AP4E1: variants seen among roughly 807,000 people sequenced by gnomAD.
AP4E1 encodes AP-4 complex subunit epsilon-1.
In AP4E1, 56 loss-of-function variants were observed where a neutral mutation model predicts 128.2. That is an observed-to-expected ratio of 0.44 (90% CI 0.35 to 0.55). The LOEUF (loss-of-function observed/expected upper bound fraction) is 0.55. Among genes scored for constraint, AP4E1 ranks in the 20% least tolerant of loss-of-function variants. The pLI is 0.00. For missense variants in AP4E1, 1,324 were observed against 1,307.7 expected (o/e 1.01, Z -0.19); for synonymous variants, 484 against 473.1 (o/e 1.02, Z -0.30).
At chr15:50,984,380 T>A (rs564035266) in intron 16 of AP4E1, among the ~76,000 whole-genome samples, 1 of 152,148 alleles carries the variant, frequency 6.6e-6, no homozygotes, top group African/African-American at 2.4e-5. Flanking sequence ...TATGTATACA[T>A]GTGTGCCATG....
chr15:50,911,855 A>C (rs2063570687), intron 1 of AP4E1, among the ~76,000 whole-genome samples: 1 of 152,216 alleles, frequency 6.6e-6, no homozygotes, highest in Non-Finnish European at 1.5e-5. Flanking sequence ...GAAAAGAGGA[A>C]GGATGGGTTA....
chr15:50,938,476 C>A (rs949358836), intron 8 of AP4E1, among the ~76,000 whole-genome samples: 6 of 152,122 alleles, frequency 3.9e-5, no homozygotes, highest in Non-Finnish European at 2.9e-5. Context: ...CCTAACCCCC[C>A]ACTAGAGTGG....
intron 3 of AP4E1, among the ~76,000 whole-genome samples, chr15:50,918,936 T>A (rs7170311): frequency 0.39 from 59,800 of 151,918 alleles, 11,937 homozygotes; most frequent in Admixed American, 0.52. Flanking sequence ...TCATAAATTA[T>A]GTTGTAATTT....
chr15:50,956,712 C>G (rs563206293), intron 13 of AP4E1, among the ~76,000 whole-genome samples: 1 of 152,168 alleles, frequency 6.6e-6, no homozygotes, highest in South Asian at 2.1e-4. Context: ...TTATTTCCAC[C>G]TGGTCCTGCC....
chr15:50,972,450 G>A (rs978627335), intron 15 of AP4E1, among the ~76,000 whole-genome samples: 2 of 152,126 alleles, frequency 1.3e-5, no homozygotes, highest in Non-Finnish European at 2.9e-5. Flanking sequence ...GACCTCAGGT[G>A]ATCCACCCAC....
At chr15:50,929,215 A>G (rs779597062) in intron 6 of AP4E1, 47 bp downstream of exon 6, 2 of 1,571,576 alleles carry the variant, frequency 1.3e-6, no homozygotes, top group Non-Finnish European at 1.7e-6. Flanking sequence ...CATTAGAAAA[A>G]TACAATTATG....
chr15:50,999,036 T>G, intron 18 of AP4E1, 36 bp from the exon 19 acceptor site: 2 of 1,600,188 alleles, frequency 1.2e-6, no homozygotes, highest in Non-Finnish European at 1.7e-6. Context: ...TATTGATCCC[T>G]TCCTTCTTCA....
chr15:50,986,769 C>CT (rs1219651213), intron 16 of AP4E1, among the ~76,000 whole-genome samples: 1 of 152,098 alleles, frequency 6.6e-6, no homozygotes, highest in Non-Finnish European at 1.5e-5. Context: ...CTAAAATTCT[C>CT]TTTTTTGGTT....
intron 2 of AP4E1, among the ~76,000 whole-genome samples, chr15:50,914,881 C>G (rs751019644): frequency 7.2e-5 from 11 of 152,104 alleles, no homozygotes; most frequent in Non-Finnish European, 1.2e-4. Context: ...TTAATGAAAT[C>G]ATGCCCCTCA....
At chr15:50,943,506 A>G (rs2064015276) in intron 10 of AP4E1, among the ~76,000 whole-genome samples, 1 of 152,174 alleles carries the variant, frequency 6.6e-6, no homozygotes, top group Non-Finnish European at 1.5e-5. Context: ...CTGCGTGTAG[A>G]CATCCTAGAA....
chr15:50,908,210 G>A (rs1348185342), upstream of AP4E1, among the ~76,000 whole-genome samples: 1 of 151,868 alleles, frequency 6.6e-6, no homozygotes, highest in Non-Finnish European at 1.5e-5. Context: ...GGACAGCCCC[G>A]CTATCACGCA....
rs368671053 is a variant in AP4E1, at chr15:50,984,104, T to C, written c.2049T>C (p.Gly683=). ...GRQSPAGISL[G]SDVSGNSAET... ...AGTCTCCTGCTGGCATTTCTCTTGG[T>C]TCAGATGTATCTGGGAATAGTGCTG... Residue 683 remains glycine (G), a synonymous_variant, in exon 16 of 21, where the codon GGT becomes GGC. Transcript: ENST00000261842. 1 of 1,613,456 alleles carries C rather than the reference T, an allele frequency of 6.2e-7. No individual in the cohort carries two copies. The highest frequency in any genetic ancestry group is 1.3e-5 in the African/African-American group (1 of 74,914).
upstream of AP4E1, chr15:50,908,526 C>A (rs919401552): frequency 2.1e-5 from 9 of 419,906 alleles, no homozygotes; most frequent in Non-Finnish European, 2.1e-5. Context: ...ACCGCTACCC[C>A]GTCGCGAGAA....
intron 8 of AP4E1, among the ~76,000 whole-genome samples, chr15:50,938,266 C>T (rs1297183517): frequency 6.6e-6 from 1 of 151,946 alleles, no homozygotes; most frequent in Non-Finnish European, 1.5e-5. Context: ...CAAAAACACC[C>T]CCAGAAAAGC....
chr15:50,969,779 C>G (rs2064452916), intron 15 of AP4E1, among the ~76,000 whole-genome samples: 1 of 151,756 alleles, frequency 6.6e-6, no homozygotes, highest in Non-Finnish European at 1.5e-5. Context: ...CTGCCTCAGC[C>G]TCCCGAGTAG....
At chr15:50,931,981 A>AT (rs368281917) in intron 7 of AP4E1, among the ~76,000 whole-genome samples, 1,490 of 146,130 alleles carry the variant, frequency 0.01, 10 homozygotes, top group African/African-American at 0.017. Flanking sequence ...CAATTTTGCC[A>AT]TTTTTTTTTT....
intron 15 of AP4E1, among the ~76,000 whole-genome samples, chr15:50,979,138 GTA>G (rs147941678): frequency 0.011 from 1,686 of 152,120 alleles, 27 homozygotes; most frequent in African/African-American, 0.039. Flanking sequence ...ATTTCTTGAG[GTA>G]TTCACTGTTA....
chr15:50,952,381 G>A (rs1384252382), intron 13 of AP4E1, among the ~76,000 whole-genome samples: 4 of 151,804 alleles, frequency 2.6e-5, no homozygotes, highest in African/African-American at 4.8e-5. Context: ...ATGGTGGCAC[G>A]CACCTGTAGT....
chr15:50,968,399 A>G (rs376491094), intron 15 of AP4E1, 22 bp downstream of exon 15: 2 of 1,546,426 alleles, frequency 1.3e-6, no homozygotes, highest in Admixed American at 3.4e-5. Flanking sequence ...TGGATTTATG[A>G]TAAGCTAGAG....
Sources: allele counts gnomAD v4.1 joint callset (sites outside exome capture counted in the v4.1 genomes callset), GRCh38; gene constraint gnomAD v4.1.1; transcripts MANE v1.5; gene names NCBI Gene and HGNC (gene_info 2026-07-23, HGNC 2026-07-21).